DPP10: variants seen among roughly 807,000 people sequenced by gnomAD.
The protein encoded by DPP10 is inactive dipeptidyl peptidase 10.
Under a neutral mutation model 120.9 loss-of-function variants are expected in DPP10, and 33 were observed. The ratio of observed to expected loss-of-function variants is 0.27; its 90% CI spans 0.21 to 0.37. DPP10 has a LOEUF of 0.37. Ranked by LOEUF, DPP10 falls within the 10% of genes least tolerant of loss-of-function variation. The pLI, the probability that DPP10 is intolerant of heterozygous loss-of-function variation, is 1.00. For synonymous variants in DPP10, 337 were observed against 326.1 expected (o/e 1.03, Z -0.36); for missense variants, 816 against 942.8 (o/e 0.87, Z 1.76).
chr2:115,405,427 G>C (rs2068434176), intron 3 of DPP10, among the ~76,000 whole-genome samples: 1 of 152,186 alleles, frequency 6.6e-6, no homozygotes, highest in Admixed American at 6.6e-5. Flanking sequence ...CTACTGTCAT[G>C]GATTGGGGTT....
At chr2:115,796,985 G>A (rs142825536) in intron 19 of DPP10, among the ~76,000 whole-genome samples, 71 of 152,104 alleles carry the variant, frequency 4.7e-4, no homozygotes, top group Non-Finnish European at 7.1e-4. Context: ...ATAGTCCACC[G>A]TATTATGATA....
At chr2:115,247,540 GA>G (rs780682033) in intron 1 of DPP10, among the ~76,000 whole-genome samples, 7 of 152,080 alleles carry the variant, frequency 4.6e-5, no homozygotes, top group Non-Finnish European at 1.0e-4. Flanking sequence ...AGGGAAGAGC[GA>G]AAAGAGATAG....
chr2:115,529,706 T>C (rs1048020008), intron 5 of DPP10, among the ~76,000 whole-genome samples: 7 of 152,136 alleles, frequency 4.6e-5, no homozygotes, highest in Admixed American at 3.9e-4. Flanking sequence ...TTGAGAACTT[T>C]TGTATTCTTG....
At chr2:114,665,441 G>A (rs186416250) in intron 1 of DPP10, among the ~76,000 whole-genome samples, 5 of 152,070 alleles carry the variant, frequency 3.3e-5, no homozygotes, top group Admixed American at 3.3e-4. Flanking sequence ...GCCTATGACT[G>A]CTACAAGAGA....
intron 5 of DPP10, among the ~76,000 whole-genome samples, chr2:115,592,761 AAAAAAAGAAAGAAAG>A (rs560411601): frequency 4.8e-4 from 73 of 151,704 alleles, no homozygotes; most frequent in Non-Finnish European, 9.6e-4. Context: ...TCTCAAAAAC[AAAAAAAGAAAGAAAG>A]AAAAAAGAAA....
At chr2:115,373,876 G>A (rs1320529084) in intron 3 of DPP10, among the ~76,000 whole-genome samples, 2 of 99,998 alleles carry the variant, frequency 2.0e-5, no homozygotes. Flanking sequence ...TCTCACCATA[G>A]CCAAGCAGAA....
intron 1 of DPP10, among the ~76,000 whole-genome samples, chr2:114,816,071 G>A (rs1035678475): frequency 5.4e-4 from 82 of 152,120 alleles, no homozygotes; most frequent in African/African-American, 1.9e-3. Context: ...CACTCCCCGT[G>A]TAGAATAAAA....
chr2:115,660,894 T>C (rs946691283), intron 5 of DPP10, among the ~76,000 whole-genome samples: 5 of 152,042 alleles, frequency 3.3e-5, no homozygotes, highest in Non-Finnish European at 7.4e-5. Flanking sequence ...ACTTAGTGTG[T>C]CATCATGAGA....
intron 10 of DPP10, among the ~76,000 whole-genome samples, chr2:115,746,478 AT>A (rs1382751507): frequency 6.6e-6 from 1 of 152,102 alleles, no homozygotes; most frequent in Non-Finnish European, 1.5e-5. Context: ...TTTCCACTGA[AT>A]TTTCTTCAAG....
chr2:115,386,925 A>C (rs2066984089), intron 3 of DPP10, among the ~76,000 whole-genome samples: 1 of 152,090 alleles, frequency 6.6e-6, no homozygotes, highest in Non-Finnish European at 1.5e-5. Flanking sequence ...AACTGTAAGA[A>C]TATTAAAATA....
At chr2:115,727,715 T>G (rs1575612889) in intron 7 of DPP10, 101 bp from the exon 8 acceptor site, 1 of 1,307,550 alleles carries the variant, frequency 7.6e-7, no homozygotes, top group East Asian at 2.8e-5. Flanking sequence ...AGCCCGTAAA[T>G]AATACAACAT....
At chr2:115,627,711 G>T (rs556110455) in intron 5 of DPP10, among the ~76,000 whole-genome samples, 1 of 152,144 alleles carries the variant, frequency 6.6e-6, no homozygotes, top group African/African-American at 2.4e-5. Flanking sequence ...CCTAGTGAGT[G>T]TTGTTCCCCT....
intron 10 of DPP10, among the ~76,000 whole-genome samples, chr2:115,752,479 C>T (rs1048965053): frequency 6.6e-6 from 1 of 152,128 alleles, no homozygotes; most frequent in Non-Finnish European, 1.5e-5. Context: ...ATTTAATAGA[C>T]TCCCATCTTC....
At chr2:115,206,242 T>C (rs1035320498) in intron 1 of DPP10, among the ~76,000 whole-genome samples, 3 of 152,208 alleles carry the variant, frequency 2.0e-5, no homozygotes, top group African/African-American at 4.8e-5. Flanking sequence ...CTTGGATTTA[T>C]GTTTGGTAAA....
chr2:114,855,391 A>G (rs1689292559), intron 1 of DPP10, among the ~76,000 whole-genome samples: 1 of 152,174 alleles, frequency 6.6e-6, no homozygotes, highest in African/African-American at 2.4e-5. Flanking sequence ...CTTAATAGCA[A>G]ATCCACTTAA....
intron 21 of DPP10, among the ~76,000 whole-genome samples, chr2:115,827,591 A>T (rs1453325826): frequency 1.3e-5 from 2 of 149,956 alleles, no homozygotes; most frequent in South Asian, 2.1e-4. Flanking sequence ...TTTTATTTTT[A>T]TTTTATTTTA....
At chr2:115,523,296 G>T (rs778141619) in intron 4 of DPP10, among the ~76,000 whole-genome samples, 1 of 149,530 alleles carries the variant, frequency 6.7e-6, no homozygotes, top group African/African-American at 2.5e-5. Context: ...CTGTGAAAGC[G>T]TGAAGTTAAT....
chr2:115,817,059 T>C (rs1345351945), intron 21 of DPP10, among the ~76,000 whole-genome samples: 5 of 149,234 alleles, frequency 3.4e-5, no homozygotes, highest in Non-Finnish European at 7.4e-5. Flanking sequence ...CCATCTTGGC[T>C]AACACGGTGA....
chr2:114,760,972 T>G (rs983567404), intron 1 of DPP10, among the ~76,000 whole-genome samples: 1 of 152,224 alleles, frequency 6.6e-6, no homozygotes, highest in African/African-American at 2.4e-5. Flanking sequence ...TCAAAAAATT[T>G]TTCTTGACTA....
Sources: allele counts gnomAD v4.1 joint callset (sites outside exome capture counted in the v4.1 genomes callset), GRCh38; gene constraint gnomAD v4.1.1; transcripts MANE v1.5; gene names NCBI Gene and HGNC (gene_info 2026-07-23, HGNC 2026-07-21).